The following ZFHX3 variants were observed in gnomAD, a reference collection of about 807,000 sequenced individuals.
ZFHX3 encodes the protein zinc finger homeobox protein 3.
In ZFHX3, 42 loss-of-function variants were observed where a neutral mutation model predicts 279.1. The ratio of observed to expected loss-of-function variants is 0.15; its 90% CI spans 0.12 to 0.19. ZFHX3 has a LOEUF of 0.19. Among genes scored for constraint, ZFHX3 ranks in the 10% least tolerant of loss-of-function variants. ZFHX3 has a pLI of 1.00. For synonymous variants in ZFHX3, 2,293 were observed against 1,957.8 expected, an observed-to-expected ratio of 1.17 and a Z score of -4.52; for missense variants, 4,981 against 4,754.0, an observed-to-expected ratio of 1.05 and a Z score of -1.40.
In ZFHX3 at chr16:73,197,017, G is replaced by C. The variant is rs541313641; in HGVS notation, c.-1103-53186C>G. ...CCACCAGCAACCCTGGCCTAAGTAG[G>C]GCGTCTTTACCATCTTCTGATGGAA... On this transcript the variant is annotated intron_variant, in intron 5 of 17. Transcript: ENST00000641206. 2.0e-3 allele frequency among the ~76,000 whole-genome samples: 305 copies of C among 152,118 alleles called. 1 individual carries two copies. Among genetic ancestry groups the C allele is most frequent in the Middle Eastern group, 6.8e-3 (2 of 294 alleles).
At chr16:72,961,795 T>G (rs1961591800) in intron 1 of ZFHX3, among the ~76,000 whole-genome samples, 1 of 152,164 alleles carries the variant, frequency 6.6e-6, no homozygotes, top group African/African-American at 2.4e-5. Context: ...CATACCCCTA[T>G]CTCTCCATTT....
intron 3 of ZFHX3, among the ~76,000 whole-genome samples, chr16:73,441,565 A>G (rs899063365): frequency 2.0e-5 from 3 of 152,130 alleles, no homozygotes; most frequent in Non-Finnish European, 2.9e-5. Flanking sequence ...GGTAATAATG[A>G]TTCACAAGCA....
rs1006340846 is a variant in ZFHX3 at position 73,324,867 on chromosome 16, T to A, written c.-1290-6531A>T. On this transcript the variant is annotated intron_variant, in intron 3 of 17. Coordinates refer to the ZFHX3 transcript ENST00000641206. ...GAGAGAATAATCGTGCCTCCTGAAGTTCTCAGCCTCGGTTTTGTGACAGCC... is the reference window on the plus strand; with the variant it reads ...GAGAGAATAATCGTGCCTCCTGAAGATCTCAGCCTCGGTTTTGTGACAGCC... Among the ~76,000 whole-genome samples the A allele has an allele frequency of 3.3e-5, 5 of 152,156 alleles. No individual in the cohort carries two copies. In the South Asian group the frequency reaches 1.0e-3, roughly 32 times the overall value.
chr16:73,637,575 T>A (rs2052538798), intron 2 of ZFHX3, among the ~76,000 whole-genome samples: 1 of 152,178 alleles, frequency 6.6e-6, no homozygotes, highest in African/African-American at 2.4e-5. Context: ...AATGTGAGTA[T>A]GTGTTTATTA....
intron 8 of ZFHX3, among the ~76,000 whole-genome samples, chr16:73,070,938 GCACA>G (rs768410525): frequency 0.025 from 561 of 22,540 alleles, 5 homozygotes; most frequent in African/African-American, 0.032. Context: ...GCGCGCGCGC[GCACA>G]CACACACACA....
intron 1 of ZFHX3, among the ~76,000 whole-genome samples, chr16:73,792,481 C>A (rs1431749725): frequency 6.6e-6 from 1 of 152,184 alleles, no homozygotes; most frequent in African/African-American, 2.4e-5. Flanking sequence ...CAACTGTGGA[C>A]AAAATAAGAG....
At chr16:73,579,877 TAC>T (rs1321235701) in intron 2 of ZFHX3, among the ~76,000 whole-genome samples, 43 of 145,066 alleles carry the variant, frequency 3.0e-4, no homozygotes, top group Non-Finnish European at 4.5e-4. Flanking sequence ...TATATATACA[TAC>T]ACACACATAT....
At chr16:73,846,093 T>A (rs997336602) in intron 1 of ZFHX3, among the ~76,000 whole-genome samples, 1 of 152,182 alleles carries the variant, frequency 6.6e-6, no homozygotes, top group Non-Finnish European at 1.5e-5. Context: ...CCACTGTGCC[T>A]GGCCTGCAAA....
chr16:72,825,632 G>A (rs1370349061), intron 5 of ZFHX3, among the ~76,000 whole-genome samples: 8 of 152,218 alleles, frequency 5.3e-5, no homozygotes, highest in Non-Finnish European at 1.0e-4. Flanking sequence ...CTGCTGGGAA[G>A]GACAGGTGTG....
At chr16:73,628,482 G>A (rs1196029900) in intron 2 of ZFHX3, among the ~76,000 whole-genome samples, 2 of 152,156 alleles carry the variant, frequency 1.3e-5, no homozygotes, top group South Asian at 2.1e-4. Flanking sequence ...CCAGCAGGAA[G>A]GTAAGGGACT....
At chr16:73,193,507 G>A (rs1463289683) in intron 5 of ZFHX3, among the ~76,000 whole-genome samples, 1 of 152,176 alleles carries the variant, frequency 6.6e-6, no homozygotes, top group East Asian at 1.9e-4. Context: ...AGTTTGCTGG[G>A]ATCCCCCTGA....
intron 1 of ZFHX3, among the ~76,000 whole-genome samples, chr16:73,720,519 G>C (rs1207489665): frequency 6.6e-6 from 1 of 152,124 alleles, no homozygotes; most frequent in African/African-American, 2.4e-5. Flanking sequence ...TTTTAAAGTA[G>C]TATTTATTGA....
In ZFHX3 at chr16:72,787,727, C is replaced by CGCCGCCGCCACT; in HGVS notation, c.10537_10548dup (p.Ser3513_Gly3516dup). On this transcript the variant is annotated inframe_insertion, in exon 10 of 10. Transcript: ENST00000268489. ...CCGCCGCCGCCGCCGCCACCGCCGC[C>CGCCGCCGCCACT]GCCGCCGCCACTGCCACCGCCGCCG... The CGCCGCCGCCACT allele has an allele frequency of 7.1e-7, 1 of 1,398,702 alleles. No individual in the cohort carries two copies. Among genetic ancestry groups the CGCCGCCGCCACT allele is most frequent in the South Asian group, 2.0e-5 (1 of 49,480 alleles). 86.6% of individuals were successfully genotyped at this position (1,398,702 alleles called of 1,614,324 possible). A position where few individuals can be genotyped will look rare whatever the true frequency, so the allele number is the denominator to read the frequency against.
chr16:73,228,510 A>G (rs1859500522), intron 5 of ZFHX3, among the ~76,000 whole-genome samples: 1 of 152,154 alleles, frequency 6.6e-6, no homozygotes, highest in Non-Finnish European at 1.5e-5. Flanking sequence ...GAAAAATACA[A>G]AAATTAACCA....
rs1170045849 is a variant in ZFHX3 at position 73,344,411 on chromosome 16, T to C, written c.-1290-26075A>G. Among the ~76,000 whole-genome samples, 3 of 152,216 alleles carry C rather than the reference T, an allele frequency of 2.0e-5. No homozygotes were observed. In the East Asian group the frequency reaches 5.8e-4, roughly 29 times the overall value. On this transcript the variant is annotated intron_variant, in intron 3 of 17. Transcript: ENST00000641206. The stretch of plus-strand genomic sequence containing the variant: ...GTGAAGATAAAGAATGAGGAATTGT[T>C]CTGGTTTGAAAGAAACTAGAGAGAT...
upstream of ZFHX3, among the ~76,000 whole-genome samples, chr16:73,052,290 G>A (rs997079436): frequency 6.6e-6 from 1 of 150,512 alleles, no homozygotes; most frequent in Admixed American, 6.6e-5. Context: ...GAGTTAAAAC[G>A]ATCCATTAAA....
intron 3 of ZFHX3, among the ~76,000 whole-genome samples, chr16:73,361,011 A>G (rs575638296): frequency 6.6e-6 from 1 of 152,334 alleles, no homozygotes; most frequent in South Asian, 2.1e-4. Context: ...ACATAAAAGC[A>G]AATAAGGAAA....
intron 4 of ZFHX3, among the ~76,000 whole-genome samples, chr16:72,885,724 G>A (rs373394933): frequency 1.7e-4 from 26 of 152,306 alleles, no homozygotes; most frequent in African/African-American, 5.8e-4. Flanking sequence ...AGGGTTTTGT[G>A]TAATATTCTG....
chr16:73,390,649 G>T (rs1567469354), intron 3 of ZFHX3, among the ~76,000 whole-genome samples: 1 of 152,134 alleles, frequency 6.6e-6, no homozygotes. Context: ...GATACAATCG[G>T]TATTAGTGGC....
Sources: allele counts gnomAD v4.1 joint callset (sites outside exome capture counted in the v4.1 genomes callset), GRCh38; gene constraint gnomAD v4.1.1; transcripts MANE v1.5; gene names NCBI Gene and HGNC (gene_info 2026-07-23, HGNC 2026-07-21).